BOC: variants seen among roughly 807,000 people sequenced by gnomAD.
BOC encodes the protein BOC cell adhesion associated, oncogene regulated.
BOC carries 76 observed loss-of-function variants against 112.0 expected under a neutral mutation model. The observed-to-expected ratio is 0.68, with a 90% confidence interval of 0.56 to 0.82. The LOEUF (loss-of-function observed/expected upper bound fraction) is 0.82. Among genes scored for constraint, BOC ranks in the 40% least tolerant of loss-of-function variants. The pLI is 0.00. For synonymous variants in BOC, 580 were observed against 599.8 expected, an observed-to-expected ratio of 0.97 and a Z score of 0.48; for missense variants, 1,309 against 1,511.7, an observed-to-expected ratio of 0.87 and a Z score of 2.22.
rs541680773 is a variant in BOC at position 113,273,225 on chromosome 3, G to T, written c.1118G>T (p.Arg373Leu). The change falls in exon 8 of 20, where the codon CGC becomes CTC. Residue 373 changes from arginine (R) to leucine (L), a missense_variant. Transcript: ENST00000682979. Reference protein sequence around the residue: ...LISSQRLRLSRRALRVLSMGP... With the variant: ...LISSQRLRLSLRALRVLSMGP... ...TCCAGCCAGCGCCTCCGGCTCTCCC[G>T]CAGGGCCCTGCGCGTGCTCAGCATG... 1.5e-5 allele frequency: 25 copies of T among 1,613,446 alleles called. No individual in the cohort carries two copies. The highest frequency in any genetic ancestry group is 2.0e-5 in the Non-Finnish European group (24 of 1,179,974).
chr3:113,224,849 T>C (rs1941385348), intron 2 of BOC, among the ~76,000 whole-genome samples: 1 of 151,184 alleles, frequency 6.6e-6, no homozygotes, highest in Non-Finnish European at 1.5e-5. Flanking sequence ...ATCCCAGCAC[T>C]TTGGGAGGCT....
At chr3:113,283,215 A>G (rs901210467) in intron 15 of BOC, among the ~76,000 whole-genome samples, 196 bp from the exon 16 acceptor site, 2 of 152,216 alleles carry the variant, frequency 1.3e-5, no homozygotes, top group Non-Finnish European at 2.9e-5. Context: ...GGTCTCCGCC[A>G]CAACACCAGA....
At chr3:113,266,163 A>C (rs1447774546) in intron 4 of BOC, among the ~76,000 whole-genome samples, 1 of 152,222 alleles carries the variant, frequency 6.6e-6, no homozygotes, top group Non-Finnish European at 1.5e-5. Flanking sequence ...TGGAAAGTGA[A>C]ATGGGGCAAT....
At chr3:113,215,582 C>A (rs1004665272) in intron 1 of BOC, among the ~76,000 whole-genome samples, 2 of 152,200 alleles carry the variant, frequency 1.3e-5, no homozygotes, top group African/African-American at 4.8e-5. Context: ...ATGCCCTTGA[C>A]AATTGTTGCT....
At chr3:113,279,139 C>A in intron 11 of BOC, 110 bp from the exon 12 acceptor site, 1 of 1,129,224 alleles carries the variant, frequency 8.9e-7, no homozygotes, top group Non-Finnish European at 1.3e-6. Context: ...GAGGAGCGGG[C>A]CCGTCAGGAG....
intron 18 of BOC, 119 bp from the exon 19 acceptor site, chr3:113,285,253 C>T: frequency 1.1e-6 from 1 of 910,382 alleles, no homozygotes; most frequent in Non-Finnish European, 1.7e-6. Context: ...GCAGTCCTTG[C>T]CCCATCTGAG....
At chr3:113,283,262 C>CAG (rs1452203380) in intron 15 of BOC, 149 bp from the exon 16 acceptor site, 1 of 764,822 alleles carries the variant, frequency 1.3e-6, no homozygotes, top group Non-Finnish European at 2.1e-6. Context: ...TGAGTGTGGA[C>CAG]ACCATTCAAA....
chr3:113,278,784 G>T lies in BOC; in HGVS notation c.1816+1G>T, dbSNP rs768335273. 1 of 1,553,972 alleles carries T rather than the reference G, an allele frequency of 6.4e-7. No homozygotes were observed. Among genetic ancestry groups the T allele is most frequent in the Non-Finnish European group, 8.7e-7 (1 of 1,148,164 alleles). ...CAGCCAGACCACGGCCGCCTCTCCC[G>T]TAAGCCGCTAGCAGCAGGGACGGAC... On this transcript the variant is annotated splice_donor_variant, in intron 11 of 19. Transcript: ENST00000682979. LOFTEE classifies it high-confidence loss of function. The surrounding 1 kb of genome is among the most constrained non-coding windows in gnomAD (Gnocchi z 4.2).
chr3:113,223,000 C>G (rs1941019485), intron 2 of BOC, among the ~76,000 whole-genome samples: 1 of 152,250 alleles, frequency 6.6e-6, no homozygotes, highest in Admixed American at 6.5e-5. Context: ...AAGTAAGGAA[C>G]TGCACATTGG....
At chr3:113,283,351 T>A in intron 15 of BOC, 60 bp from the exon 16 acceptor site, 1 of 1,489,596 alleles carries the variant, frequency 6.7e-7, no homozygotes, top group East Asian at 2.3e-5. Flanking sequence ...TTTTTTCTAT[T>A]TGTTGTGAAG....
At position 113,219,663 on chromosome 3, in the gene BOC, G is replaced by A. The variant is rs115015410; in HGVS notation, c.-82+3389G>A. Among the ~76,000 whole-genome samples the A allele has an allele frequency of 5.9e-3, 900 of 152,318 alleles. 10 individuals carry two copies. Among genetic ancestry groups the A allele is most frequent in the African/African-American group, 0.02 (833 of 41,568 alleles). On this transcript the variant is annotated intron_variant, in intron 2 of 19. Coordinates refer to ENST00000682979, the MANE Select transcript of BOC (RefSeq NM_001378074.1). ...TACAGCTAACAAAGTGTAAGGGGTA[G>A]GTGAGGGTCTTTATAAGACTTGCTG...
intron 2 of BOC, among the ~76,000 whole-genome samples, chr3:113,221,262 G>A (rs1015558529): frequency 3.9e-5 from 6 of 152,248 alleles, no homozygotes; most frequent in Non-Finnish European, 5.9e-5. Flanking sequence ...AGTGAAAGGA[G>A]GGTTGCTGGT....
At chr3:113,233,496 G>C (rs1219024203) in intron 2 of BOC, among the ~76,000 whole-genome samples, 1 of 152,124 alleles carries the variant, frequency 6.6e-6, no homozygotes, top group Non-Finnish European at 1.5e-5. Flanking sequence ...TAAATGCCCA[G>C]CTTCTCATAC....
Position 113,286,741 on chromosome 3 carries a change from G to C in BOC, c.3227G>C (p.Ser1076Thr). The part of the protein sequence containing the change: ...EVDSPDSCQV[S>T]GGDWCPQHPV... ...GACAGTCCTGACTCCTGCCAAGTGAGTGGAGGAGACTGGTGTCCCCAGCAC... is the reference window on the plus strand; with the variant it reads ...GACAGTCCTGACTCCTGCCAAGTGACTGGAGGAGACTGGTGTCCCCAGCAC... The change falls in exon 20 of 20, where the codon AGT (serine) becomes ACT (threonine). Residue 1076 changes from serine to threonine, a missense_variant. By Grantham distance (58) the Ser-to-Thr change is moderately conservative. Coordinates refer to ENST00000682979, the MANE Select transcript of BOC (RefSeq NM_001378074.1). 1 of 1,613,750 alleles carries C rather than the reference G, an allele frequency of 6.2e-7. No homozygotes were observed. The highest frequency in any genetic ancestry group is 8.5e-7 in the Non-Finnish European group (1 of 1,179,776).
chr3:113,275,135 G>A (rs4682483), intron 9 of BOC, among the ~76,000 whole-genome samples: 27,554 of 152,178 alleles, frequency 0.18, 3,184 homozygotes, highest in East Asian at 0.44. Flanking sequence ...TGTAATGCCA[G>A]GAAAACAAAT....
chr3:113,262,501 C>T (rs184597859), intron 4 of BOC, among the ~76,000 whole-genome samples: 3 of 152,268 alleles, frequency 2.0e-5, no homozygotes, highest in Non-Finnish European at 4.4e-5. Context: ...GGTTTTGTCC[C>T]GCTTTGTGGG....
chr3:113,231,082 A>G (rs1057009584), intron 2 of BOC, among the ~76,000 whole-genome samples: 1 of 152,228 alleles, frequency 6.6e-6, no homozygotes, highest in Non-Finnish European at 1.5e-5. Flanking sequence ...TATTCCTTAA[A>G]TGTGATAATG....
chr3:113,264,906 T>A (rs1363914527), intron 4 of BOC, among the ~76,000 whole-genome samples: 1 of 152,194 alleles, frequency 6.6e-6, no homozygotes, highest in Admixed American at 6.5e-5. Context: ...CGCCTGCCAG[T>A]CGCCCCTTGT....
intron 4 of BOC, among the ~76,000 whole-genome samples, chr3:113,259,766 G>A (rs1946612158): frequency 6.6e-6 from 1 of 152,204 alleles, no homozygotes; most frequent in African/African-American, 2.4e-5. Flanking sequence ...AAAACTTGCT[G>A]AAGTAGAAAC....
Sources: gnomAD v4.1 joint callset for allele counts (sites outside exome capture counted in the v4.1 genomes callset) on GRCh38, gnomAD v4.1.1 for gene constraint, Gnocchi (gnomAD v3.1) non-coding constraint, MANE v1.5 for transcripts, NCBI Gene and HGNC (gene_info 2026-07-23, HGNC 2026-07-21) for gene names.